The following SOX6 variants were observed in gnomAD, a reference collection of about 807,000 sequenced individuals.
SOX6 encodes transcription factor SOX-6.
A neutral mutation model predicts 97.8 loss-of-function variants in SOX6; 11 were observed. The ratio of observed to expected loss-of-function variants is 0.11; its 90% CI spans 0.07 to 0.19. The LOEUF (loss-of-function observed/expected upper bound fraction) is 0.19, where lower values mean the gene tolerates loss of function less well. Among genes scored for constraint, SOX6 ranks in the 10% least tolerant of loss-of-function variants. The pLI, the probability that SOX6 is intolerant of heterozygous loss-of-function variation, is 1.00. For synonymous variants in SOX6, 360 were observed against 371.4 expected (o/e 0.97, Z 0.35); for missense variants, 810 against 1,039.5 (o/e 0.78, Z 3.04).
chr11:16,394,995 G>A (rs768696519), intron 1 of SOX6, among the ~76,000 whole-genome samples: 3 of 151,760 alleles, frequency 2.0e-5, no homozygotes, highest in African/African-American at 4.8e-5. Flanking sequence ...ACCGCCATCC[G>A]CACCCCAATC....
intron 12 of SOX6, among the ~76,000 whole-genome samples, chr11:16,024,539 A>G (rs1314402821): frequency 6.6e-6 from 1 of 151,420 alleles, no homozygotes; most frequent in Non-Finnish European, 1.5e-5. Context: ...TGATTCTTCA[A>G]AAGTTGTCCT....
intron 1 of SOX6, among the ~76,000 whole-genome samples, chr11:16,402,242 A>G (rs2134443849): frequency 6.6e-6 from 1 of 151,770 alleles, no homozygotes; most frequent in Admixed American, 6.6e-5. Context: ...AATTTGTGTC[A>G]CTATTGCAGC....
chr11:16,071,861 T>C (rs953023597), intron 9 of SOX6, among the ~76,000 whole-genome samples: 2 of 151,334 alleles, frequency 1.3e-5, no homozygotes, highest in African/African-American at 2.4e-5. Flanking sequence ...GCCAGTCAAC[T>C]GAACCCACCT....
intron 1 of SOX6, among the ~76,000 whole-genome samples, chr11:16,463,419 A>G (rs1230035989): frequency 6.6e-6 from 1 of 152,206 alleles, no homozygotes; most frequent in Admixed American, 6.5e-5. Context: ...ATATACAAAT[A>G]TGTGATAAAT....
chr11:16,006,664 C>T (rs553076692), intron 13 of SOX6, among the ~76,000 whole-genome samples: 1 of 152,046 alleles, frequency 6.6e-6, no homozygotes, highest in Non-Finnish European at 1.5e-5. Flanking sequence ...AAGCTTCCTC[C>T]TCTAAATAGC....
At chr11:16,529,997 C>G (rs1861217222) in intron 4 of SOX6, among the ~76,000 whole-genome samples, 1 of 151,954 alleles carries the variant, frequency 6.6e-6, no homozygotes, top group Non-Finnish European at 1.5e-5. Flanking sequence ...GAAAGTCTAA[C>G]TATGAAACAC....
intron 11 of SOX6, among the ~76,000 whole-genome samples, chr11:16,048,764 C>T (rs1024385846): frequency 1.3e-5 from 2 of 152,014 alleles, no homozygotes; most frequent in Admixed American, 6.6e-5. Context: ...TGAAGAAATG[C>T]TAGGTCTTGT....
intron 1 of SOX6, among the ~76,000 whole-genome samples, chr11:16,463,298 C>CTA (rs1350828505): frequency 5.3e-5 from 8 of 152,120 alleles, no homozygotes; most frequent in Admixed American, 2.0e-4. Context: ...TGGGAACATA[C>CTA]TATACATCAG....
intron 4 of SOX6, among the ~76,000 whole-genome samples, chr11:16,201,643 T>TTG (rs1485771407): frequency 7.1e-6 from 1 of 140,278 alleles, no homozygotes; most frequent in Non-Finnish European, 1.5e-5. Context: ...TTTCTTTTTT[T>TTG]TTTTTTTTGA....
At chr11:16,519,612 A>G (rs1861025691) in intron 4 of SOX6, among the ~76,000 whole-genome samples, 1 of 152,154 alleles carries the variant, frequency 6.6e-6, no homozygotes. Flanking sequence ...ACTGATGGAC[A>G]CTTAAGTTGA....
At chr11:16,195,080 G>A (rs572904862) in intron 4 of SOX6, among the ~76,000 whole-genome samples, 3 of 152,304 alleles carry the variant, frequency 2.0e-5, no homozygotes, top group African/African-American at 7.2e-5. Context: ...AGTATTGCAG[G>A]ATTGGCTCTT....
chr11:16,143,332 A>C (rs1375281286), intron 6 of SOX6, among the ~76,000 whole-genome samples: 1 of 152,208 alleles, frequency 6.6e-6, no homozygotes, highest in African/African-American at 2.4e-5. Flanking sequence ...GGCCTGCCCT[A>C]AAAGAGCTCC....
chr11:16,612,517 C>G (rs1848410042), intron 3 of SOX6, among the ~76,000 whole-genome samples: 1 of 133,202 alleles, frequency 7.5e-6, no homozygotes, highest in South Asian at 2.3e-4. Context: ...AATGGAAAGT[C>G]AGAGAAAGAT....
chr11:16,234,543 A>C (rs1296187235), intron 4 of SOX6, 39 bp downstream of exon 4: 2 of 1,169,866 alleles, frequency 1.7e-6, no homozygotes, highest in South Asian at 2.6e-5. Context: ...ATAACATCAC[A>C]TCACTGCATT....
chr11:16,328,086 C>T (rs1306935049), intron 2 of SOX6, among the ~76,000 whole-genome samples: 1 of 152,100 alleles, frequency 6.6e-6, no homozygotes, highest in African/African-American at 2.4e-5. Context: ...TCCCTATAGA[C>T]AAGGTTTATT....
intron 4 of SOX6, among the ~76,000 whole-genome samples, chr11:16,198,220 ATTTTTTTTTCT>A (rs1319754582): frequency 8.0e-5 from 8 of 100,012 alleles, no homozygotes; most frequent in African/African-American, 1.4e-4. Flanking sequence ...CGCCCTGCTA[ATTTTTTTTTCT>A]TTTTTTTTTT....
intron 3 of SOX6, among the ~76,000 whole-genome samples, chr11:16,284,793 GC>G (rs1409905802): frequency 6.6e-6 from 1 of 152,128 alleles, no homozygotes; most frequent in Non-Finnish European, 1.5e-5. Flanking sequence ...TCCCTTGTGA[GC>G]CTCTTCTGGT....
intron 4 of SOX6, among the ~76,000 whole-genome samples, chr11:16,545,361 A>C (rs1463054068): frequency 6.7e-6 from 1 of 149,530 alleles, no homozygotes; most frequent in African/African-American, 2.4e-5. Context: ...AAAAAAAAAG[A>C]ACCCACATCT....
At chr11:16,332,713 T>C (rs1307530248) in intron 2 of SOX6, among the ~76,000 whole-genome samples, 2 of 152,206 alleles carry the variant, frequency 1.3e-5, no homozygotes, top group South Asian at 2.1e-4. Flanking sequence ...TACACAGATA[T>C]ATTATTGAAC....
Sources: allele counts gnomAD v4.1 joint callset (sites outside exome capture counted in the v4.1 genomes callset), GRCh38; gene constraint gnomAD v4.1.1; transcripts MANE v1.5; gene names NCBI Gene and HGNC (gene_info 2026-07-23, HGNC 2026-07-21).